The following GRIK4 variants were observed in gnomAD, a reference collection of about 807,000 sequenced individuals.
The protein encoded by GRIK4 is glutamate ionotropic receptor kainate type subunit 4.
GRIK4 carries 40 observed loss-of-function variants against 104.9 expected under a neutral mutation model. The observed-to-expected ratio is 0.38, with a 90% confidence interval of 0.30 to 0.50. The LOEUF is 0.50. Among genes scored for constraint, GRIK4 ranks in the 20% least tolerant of loss-of-function variants. The pLI is 0.93. For synonymous variants in GRIK4, 485 were observed against 524.9 expected, an observed-to-expected ratio of 0.92 and a Z score of 1.04; for missense variants, 1,047 against 1,308.1, an observed-to-expected ratio of 0.80 and a Z score of 3.08.
intron 20 of GRIK4, 86 bp from the exon 21 acceptor site, chr11:120,985,818 C>T (rs1944732778): frequency 6.6e-6 from 8 of 1,212,770 alleles, no homozygotes; most frequent in Middle Eastern, 2.2e-4. Flanking sequence ...GACCGCTGCC[C>T]CCTTCATCCC....
At chr11:120,752,433 A>T (rs1181423223) in intron 3 of GRIK4, among the ~76,000 whole-genome samples, 1 of 152,172 alleles carries the variant, frequency 6.6e-6, no homozygotes, top group Non-Finnish European at 1.5e-5. Flanking sequence ...ACAGCCCGCC[A>T]AGGTGGGCAG....
chr11:120,985,668 TCAAA>T (rs997739918), intron 20 of GRIK4, among the ~76,000 whole-genome samples: 3 of 150,868 alleles, frequency 2.0e-5, no homozygotes, highest in African/African-American at 7.3e-5. Flanking sequence ...TTGAAGGTGT[TCAAA>T]CAAAGATTGG....
intron 10 of GRIK4, among the ~76,000 whole-genome samples, 175 bp from the exon 11 acceptor site, chr11:120,874,964 C>T (rs78639525): frequency 0.014 from 2,159 of 152,280 alleles, 51 homozygotes; most frequent in African/African-American, 0.049. Context: ...GAATTGTCTC[C>T]ACAGACATCA....
intron 11 of GRIK4, among the ~76,000 whole-genome samples, chr11:120,877,234 GC>G (rs1954846408): frequency 6.6e-6 from 1 of 152,176 alleles, no homozygotes; most frequent in African/African-American, 2.4e-5. Context: ...TTCGGGGATG[GC>G]ATTTCACAAA....
intron 4 of GRIK4, among the ~76,000 whole-genome samples, chr11:120,810,422 G>A (rs1952806535): frequency 6.6e-6 from 1 of 152,182 alleles, no homozygotes; most frequent in East Asian, 1.9e-4. Flanking sequence ...TCCTAAAGGC[G>A]GCTGACTCAG....
chr11:120,698,966 C>T lies in GRIK4; in HGVS notation c.82+38566C>T, dbSNP rs186387542. ...AGGTAAGTGTCCTTCATAAATGTTT[C>T]ATCACTCTCCCTGCCATAATTGTTA... On this transcript the variant is annotated intron_variant, in intron 3 of 20. Coordinates refer to ENST00000527524, the MANE Select transcript of GRIK4 (RefSeq NM_014619.5). Among the ~76,000 whole-genome samples, 99 of 152,338 alleles carry T rather than the reference C, an allele frequency of 6.5e-4. 1 individual carries two copies. The East Asian group carries it at 0.015, about 24-fold the overall frequency.
chr11:120,571,406 G>A (rs1034911272), intron 1 of GRIK4, among the ~76,000 whole-genome samples: 3 of 152,060 alleles, frequency 2.0e-5, no homozygotes, highest in African/African-American at 2.4e-5. Flanking sequence ...TGGATCTCCC[G>A]TTTTCTGTAG....
intron 1 of GRIK4, among the ~76,000 whole-genome samples, chr11:120,597,641 G>T (rs1349674668): frequency 2.0e-5 from 3 of 152,216 alleles, no homozygotes; most frequent in Non-Finnish European, 4.4e-5. Flanking sequence ...TTGCATTCAG[G>T]GATCCGTGGG....
intron 3 of GRIK4, among the ~76,000 whole-genome samples, chr11:120,691,988 C>T (rs1950372376): frequency 6.6e-6 from 1 of 152,236 alleles, no homozygotes; most frequent in Non-Finnish European, 1.5e-5. Flanking sequence ...GAGCAATACC[C>T]TCCTATGATG....
intron 13 of GRIK4, among the ~76,000 whole-genome samples, chr11:120,933,533 T>A (rs1943524510): frequency 6.6e-6 from 1 of 152,166 alleles, no homozygotes; most frequent in Non-Finnish European, 1.5e-5. Context: ...ATAAATGACT[T>A]GTCCAAGGTC....
intron 8 of GRIK4, among the ~76,000 whole-genome samples, chr11:120,850,829 T>C (rs1215346558): frequency 6.7e-6 from 1 of 148,638 alleles, no homozygotes; most frequent in Non-Finnish European, 1.5e-5. Context: ...TTATTATTAT[T>C]ATTATTACAT....
chr11:120,758,472 A>G (rs1951690322), intron 3 of GRIK4, among the ~76,000 whole-genome samples: 1 of 152,128 alleles, frequency 6.6e-6, no homozygotes, highest in African/African-American at 2.4e-5. Context: ...TGCATTTTAT[A>G]TATATTCACC....
chr11:120,764,029 A>C (rs537106798), intron 3 of GRIK4, among the ~76,000 whole-genome samples: 1 of 152,156 alleles, frequency 6.6e-6, no homozygotes, highest in Non-Finnish European at 1.5e-5. Flanking sequence ...GATCTGTCTA[A>C]TATTGACAGT....
intron 3 of GRIK4, among the ~76,000 whole-genome samples, chr11:120,716,226 A>G (rs1453542116): frequency 1.7e-5 from 2 of 116,130 alleles, no homozygotes; most frequent in African/African-American, 6.7e-5. Flanking sequence ...AAGCTCATTC[A>G]CTACCTGACA....
intron 8 of GRIK4, among the ~76,000 whole-genome samples, chr11:120,860,459 A>G (rs766907886): frequency 6.6e-6 from 1 of 152,178 alleles, no homozygotes; most frequent in Non-Finnish European, 1.5e-5. Flanking sequence ...GCGTTATTGC[A>G]TGAGGACCAT....
At chr11:120,915,798 A>G (rs1289402340) in intron 13 of GRIK4, among the ~76,000 whole-genome samples, 1 of 152,226 alleles carries the variant, frequency 6.6e-6, no homozygotes, top group Admixed American at 6.5e-5. Context: ...CTCTACACTC[A>G]TGAGTTAATT....
chr11:120,935,907 T>A (rs1943586455), intron 13 of GRIK4, among the ~76,000 whole-genome samples: 1 of 152,172 alleles, frequency 6.6e-6, no homozygotes, highest in Non-Finnish European at 1.5e-5. Context: ...CACTGTACAG[T>A]TAAAAAACAA....
intron 3 of GRIK4, among the ~76,000 whole-genome samples, chr11:120,768,519 CTTTTTA>C (rs1053632284): frequency 6.6e-6 from 1 of 151,998 alleles, no homozygotes; most frequent in African/African-American, 2.4e-5. Context: ...ATTTGGATGC[CTTTTTA>C]TTTTTATTTT....
intron 1 of GRIK4, among the ~76,000 whole-genome samples, chr11:120,636,121 A>G (rs776208351): frequency 1.3e-5 from 2 of 152,148 alleles, no homozygotes; most frequent in African/African-American, 2.4e-5. Flanking sequence ...ATTGCTGTGT[A>G]GTGTTCCGTT....
Sources: allele counts gnomAD v4.1 joint callset (sites outside exome capture counted in the v4.1 genomes callset), GRCh38; gene constraint gnomAD v4.1.1; transcripts MANE v1.5; gene names NCBI Gene and HGNC (gene_info 2026-07-23, HGNC 2026-07-21).